Variants in IREB2 observed in about 807,000 individuals in gnomAD.
IREB2 encodes the protein iron responsive element binding protein 2.
A neutral mutation model predicts 118.8 loss-of-function variants in IREB2; 39 were observed. The ratio of observed to expected loss-of-function variants is 0.33; its 90% CI spans 0.25 to 0.43. The LOEUF is 0.43. IREB2 is among the 20% of genes least tolerant of loss of function. The probability of loss-of-function intolerance (pLI) is 1.00; values close to 1 mark genes in which losing one functional copy is unlikely to be tolerated. For synonymous variants in IREB2, 372 were observed against 392.2 expected (o/e 0.95, Z 0.61); for missense variants, 900 against 1,147.3 (o/e 0.78, Z 3.11).
intron 18 of IREB2, among the ~76,000 whole-genome samples, chr15:78,493,430 A>G (rs1181761548): frequency 6.6e-6 from 1 of 152,238 alleles, no homozygotes. Flanking sequence ...ATCGATGTAT[A>G]AGTGGACCCA....
At chr15:78,447,958 C>G (rs1019843578) in intron 2 of IREB2, among the ~76,000 whole-genome samples, 1 of 152,180 alleles carries the variant, frequency 6.6e-6, no homozygotes, top group Non-Finnish European at 1.5e-5. Flanking sequence ...GCTATTCATG[C>G]CAGGATGGCA....
intron 7 of IREB2, among the ~76,000 whole-genome samples, chr15:78,472,860 T>C (rs1257247264): frequency 1.3e-5 from 2 of 152,134 alleles, no homozygotes; most frequent in African/African-American, 4.8e-5. Flanking sequence ...TTTCACAGGG[T>C]GTTATAAATG....
At chr15:78,463,495 T>G (rs969867642) in intron 3 of IREB2, among the ~76,000 whole-genome samples, 23 of 152,038 alleles carry the variant, frequency 1.5e-4, no homozygotes, top group Non-Finnish European at 1.9e-4. Context: ...GCTCTGTGTT[T>G]TTTTGTTTTG....
At chr15:78,473,065 C>T (rs2051406420) in intron 7 of IREB2, among the ~76,000 whole-genome samples, 177 bp from the exon 8 acceptor site, 1 of 151,990 alleles carries the variant, frequency 6.6e-6, no homozygotes, top group Non-Finnish European at 1.5e-5. Context: ...TTCGACCGTG[C>T]GAGTGGAATC....
chr15:78,438,529 G>C (rs2050791579), intron 1 of IREB2, 173 bp downstream of exon 1: 4 of 685,252 alleles, frequency 5.8e-6, no homozygotes, highest in Non-Finnish European at 1.0e-5. Context: ...CCTAGGCCGC[G>C]GAAGCTGGGG....
At chr15:78,466,217 T>A (rs1236057239) in intron 4 of IREB2, 54 bp from the exon 5 acceptor site, 1 of 1,244,736 alleles carries the variant, frequency 8.0e-7, no homozygotes, top group Non-Finnish European at 1.1e-6. Flanking sequence ...TTTTAAGAGC[T>A]AAATTTGTGT....
chr15:78,440,180 G>T (rs1457614977), intron 2 of IREB2, among the ~76,000 whole-genome samples: 1 of 151,920 alleles, frequency 6.6e-6, no homozygotes, highest in Non-Finnish European at 1.5e-5. Flanking sequence ...GAAGACAGGG[G>T]TCTTGCTATG....
chr15:78,456,996 T>A (rs1441598965), intron 2 of IREB2, among the ~76,000 whole-genome samples: 1 of 152,240 alleles, frequency 6.6e-6, no homozygotes, highest in African/African-American at 2.4e-5. Flanking sequence ...AACTCATAAT[T>A]TTTGGTGGAA....
intron 7 of IREB2, among the ~76,000 whole-genome samples, 174 bp downstream of exon 7, chr15:78,472,098 AAG>A (rs932424778): frequency 6.6e-6 from 1 of 152,348 alleles, no homozygotes; most frequent in African/African-American, 2.4e-5. Flanking sequence ...AGTGTTGTAA[AAG>A]AGGATTTATG....
At chr15:78,437,481 T>TTA (rs1176888705), upstream of IREB2, 1 of 152,426 alleles carries the variant, frequency 6.6e-6, no homozygotes, top group East Asian at 1.9e-4. Flanking sequence ...GAAAGTGGAG[T>TTA]TATAGCTGGC....
chr15:78,473,852 T>A (rs4299116), intron 8 of IREB2: 76,543 of 151,678 alleles, frequency 0.5, 20,699 homozygotes, highest in Non-Finnish European at 0.62. Flanking sequence ...TACTTGAATT[T>A]AAAAAAAATG....
At chr15:78,485,649 G>T (rs894528070) in intron 12 of IREB2, 56 bp from the exon 13 acceptor site, 2 of 1,558,580 alleles carry the variant, frequency 1.3e-6, no homozygotes, top group Middle Eastern at 1.7e-4. Context: ...CTTTAATATG[G>T]GTGAGAGAGG....
At chr15:78,475,412 TA>T (rs2051451979) in intron 8 of IREB2, 1 of 152,226 alleles carries the variant, frequency 6.6e-6, no homozygotes, top group South Asian at 2.1e-4. Context: ...AAAGATGCTG[TA>T]AACATTTGGG....
intron 6 of IREB2, among the ~76,000 whole-genome samples, chr15:78,471,232 C>T (rs2051372067): frequency 6.6e-6 from 1 of 152,158 alleles, no homozygotes; most frequent in Admixed American, 6.5e-5. Flanking sequence ...TGGTCTCGAG[C>T]TCTTGGCCTC....
At chr15:78,440,360 C>T (rs1422987137) in intron 2 of IREB2, among the ~76,000 whole-genome samples, 1 of 126,174 alleles carries the variant, frequency 7.9e-6, no homozygotes, top group African/African-American at 2.8e-5. Context: ...TTTATTTTCT[C>T]TTTTCTTTTC....
At chr15:78,450,824 T>TTGTGTGTGTG (rs35092289) in intron 2 of IREB2, among the ~76,000 whole-genome samples, 18 of 134,118 alleles carry the variant, frequency 1.3e-4, no homozygotes, top group African/African-American at 3.4e-4. Flanking sequence ...ATTAACAAAT[T>TTGTGTGTGTG]TGTGTGTGTG....
chr15:78,473,388 T>C lies in IREB2; in HGVS notation c.1023+7T>C. ...TGTTCTTGGTATTACAAAGGTAAGTTAAAGTTGTGGTAGCTCTATGACTTA... is the reference window on the plus strand; with the variant it reads ...TGTTCTTGGTATTACAAAGGTAAGTCAAAGTTGTGGTAGCTCTATGACTTA... On this transcript the variant is annotated splice_region_variant and intron_variant, in intron 8 of 21. Coordinates refer to ENST00000258886, the MANE Select transcript of IREB2 (RefSeq NM_004136.4). The C allele has an allele frequency of 6.2e-7, 1 of 1,611,658 alleles. No individual in the cohort carries two copies. Among genetic ancestry groups the C allele is most frequent in the Non-Finnish European group, 8.5e-7 (1 of 1,178,296 alleles).
intron 6 of IREB2, chr15:78,471,081 G>A (rs1458300335): frequency 2.6e-5 from 4 of 151,358 alleles, no homozygotes; most frequent in Admixed American, 2.6e-4. Context: ...GTGTGATCTT[G>A]GCTCACTGCA....
Position 78,470,539 on chromosome 15 carries a change from A to T in IREB2, c.637A>T (p.Thr213Ser), listed in dbSNP as rs777876620. Reference protein sequence around the residue: ...FHLQPVPEPETVLKNQEVEFG... With the variant: ...FHLQPVPEPESVLKNQEVEFG... Reference sequence around the variant, plus strand: ...AGCTCTTCTTCCTTTTAGACCTGAAACAGTGTTAAAAAATCAAGAAGTAGA... The same window carrying T: ...AGCTCTTCTTCCTTTTAGACCTGAATCAGTGTTAAAAAATCAAGAAGTAGA... Residue 213 changes from threonine (T) to serine (S), a missense_variant, in exon 6 of 22, where the codon ACA becomes TCA. Thr to Ser is a moderately conservative substitution (Grantham distance 58). Transcript: ENST00000258886. The T allele has an allele frequency of 3.8e-6, 6 of 1,592,296 alleles. No homozygotes were observed. The highest frequency in any genetic ancestry group is 1.7e-4 in the Middle Eastern group (1 of 6,014).
Sources: allele counts gnomAD v4.1 joint callset (sites outside exome capture counted in the v4.1 genomes callset), GRCh38; gene constraint gnomAD v4.1.1; transcripts MANE v1.5; gene names NCBI Gene and HGNC (gene_info 2026-07-23, HGNC 2026-07-21).